Variants in WDPCP observed in about 807,000 individuals in gnomAD.
The protein encoded by WDPCP is WD repeat-containing and planar cell polarity effector protein fritz homolog.
WDPCP carries 71 observed loss-of-function variants against 93.1 expected under a neutral mutation model. That is an observed-to-expected ratio of 0.76 (90% CI 0.63 to 0.93). The LOEUF is 0.93. WDPCP is among the 40% of genes least tolerant of loss of function. The pLI, the probability that WDPCP is intolerant of heterozygous loss-of-function variation, is 0.00. For missense variants in WDPCP, 844 were observed against 887.4 expected, an observed-to-expected ratio of 0.95 and a Z score of 0.62; for synonymous variants, 315 against 315.0, an observed-to-expected ratio of 1.00 and a Z score of 0.00.
intron 12 of WDPCP, among the ~76,000 whole-genome samples, chr2:63,335,953 C>T (rs1688335812): frequency 6.6e-6 from 1 of 152,160 alleles, no homozygotes; most frequent in Non-Finnish European, 1.5e-5. Flanking sequence ...GCTACACTCC[C>T]ACCAGCGCCA....
At chr2:63,172,928 A>G (rs567735834) in intron 15 of WDPCP, among the ~76,000 whole-genome samples, 3 of 152,172 alleles carry the variant, frequency 2.0e-5, no homozygotes, top group African/African-American at 7.2e-5. Flanking sequence ...AAAATACTGG[A>G]CAAGAGAAAA....
intron 14 of WDPCP, chr2:63,233,266 AT>A (rs1312693601): frequency 5.3e-6 from 1 of 187,836 alleles, no homozygotes; most frequent in African/African-American, 2.4e-5. Context: ...ATATGGAAAA[AT>A]TCAATTTTGT....
intron 3 of WDPCP, chr2:63,594,613 A>C (rs1417527398): frequency 6.9e-7 from 1 of 1,449,306 alleles, no homozygotes; most frequent in East Asian, 2.3e-5. Flanking sequence ...ATAAATCTTA[A>C]GTTATTAGAG....
intron 17 of WDPCP, among the ~76,000 whole-genome samples, chr2:63,142,938 A>C (rs901912663): frequency 6.6e-6 from 1 of 151,828 alleles, no homozygotes; most frequent in Admixed American, 6.6e-5. Context: ...ACACACACAC[A>C]CACACACACA....
chr2:63,249,224 G>A (rs760481878), intron 14 of WDPCP, among the ~76,000 whole-genome samples: 5 of 152,146 alleles, frequency 3.3e-5, no homozygotes, highest in Non-Finnish European at 7.3e-5. Context: ...ATTGGCCTGA[G>A]GTAAAAGCTT....
intron 2 of WDPCP, among the ~76,000 whole-genome samples, chr2:63,694,055 A>G (rs1348912077): frequency 1.3e-5 from 2 of 152,222 alleles, no homozygotes; most frequent in African/African-American, 4.8e-5. Context: ...GCACATATTA[A>G]ACCTTTATCA....
At chr2:63,213,056 C>G (rs1273134053) in intron 14 of WDPCP, among the ~76,000 whole-genome samples, 1 of 152,148 alleles carries the variant, frequency 6.6e-6, no homozygotes, top group Non-Finnish European at 1.5e-5. Flanking sequence ...CAACATTAGA[C>G]AGATCCATGA....
intron 1 of WDPCP, among the ~76,000 whole-genome samples, chr2:63,550,192 AACACACACACAC>A (rs56155473): frequency 7.0e-4 from 31 of 44,354 alleles, no homozygotes; most frequent in East Asian, 4.8e-3. Context: ...CATCTTAAGA[AACACACACACAC>A]ACACACACAC....
chr2:63,582,374 A>T (rs1708551305), intron 1 of WDPCP, among the ~76,000 whole-genome samples: 1 of 152,202 alleles, frequency 6.6e-6, no homozygotes, highest in African/African-American at 2.4e-5. Flanking sequence ...AAACCTAGAA[A>T]GAAAAGATAA....
intron 15 of WDPCP, among the ~76,000 whole-genome samples, chr2:63,171,316 C>A (rs1161337580): frequency 1.3e-5 from 2 of 152,168 alleles, no homozygotes. Context: ...TAATAAGGAA[C>A]TTGTATTCAG....
chr2:63,358,413 C>T (rs144056330), intron 12 of WDPCP, among the ~76,000 whole-genome samples: 1 of 152,074 alleles, frequency 6.6e-6, no homozygotes, highest in African/African-American at 2.4e-5. Context: ...TCCAGAAATA[C>T]AGGAGATTCA....
intron 2 of WDPCP, among the ~76,000 whole-genome samples, chr2:63,786,731 T>G (rs185275693): frequency 3.9e-5 from 6 of 152,212 alleles, no homozygotes; most frequent in Non-Finnish European, 4.4e-5. Flanking sequence ...AGAAACAGAC[T>G]GCAAAAAATC....
intron 1 of WDPCP, among the ~76,000 whole-genome samples, chr2:63,817,112 AT>A (rs201959701): frequency 0.075 from 10,850 of 143,984 alleles, 411 homozygotes; most frequent in Middle Eastern, 0.15. Context: ...GAGCTGCTAC[AT>A]TTTTTTTTTT....
intron 1 of WDPCP, among the ~76,000 whole-genome samples, chr2:63,820,456 C>T (rs1378513350): frequency 1.3e-5 from 2 of 152,108 alleles, no homozygotes; most frequent in African/African-American, 4.8e-5. Context: ...CAAATGCTAG[C>T]AGCTGGCTGG....
chr2:63,761,305 C>A (rs966571373), intron 2 of WDPCP, among the ~76,000 whole-genome samples: 1 of 152,044 alleles, frequency 6.6e-6, no homozygotes, highest in Admixed American at 6.5e-5. Context: ...AGGTCCTTGC[C>A]GGATGCCAGT....
chr2:63,652,274 T>C (rs1357662852), intron 2 of WDPCP, among the ~76,000 whole-genome samples: 3 of 152,226 alleles, frequency 2.0e-5, no homozygotes, highest in African/African-American at 7.2e-5. Context: ...GGCTTGTGTA[T>C]GGCTTCCAGC....
intron 1 of WDPCP, chr2:63,571,757 A>G (rs1198662611): frequency 2.5e-6 from 1 of 393,208 alleles, no homozygotes; most frequent in African/African-American, 2.1e-5. Context: ...GATGAACTAC[A>G]ATGCTTCAAC....
intron 2 of WDPCP, among the ~76,000 whole-genome samples, chr2:63,707,542 A>G (rs920000261): frequency 3.3e-5 from 5 of 151,936 alleles, no homozygotes; most frequent in African/African-American, 1.2e-4. Flanking sequence ...TTTTTTTCCA[A>G]AGTTTTTAAC....
intron 13 of WDPCP, among the ~76,000 whole-genome samples, chr2:63,295,926 C>T (rs182977136): frequency 1.9e-4 from 28 of 148,724 alleles, no homozygotes; most frequent in African/African-American, 6.7e-4. Context: ...GGATTCCTCC[C>T]TAATTCATTC....
Sources: allele counts gnomAD v4.1 joint callset (sites outside exome capture counted in the v4.1 genomes callset), GRCh38; gene constraint gnomAD v4.1.1; transcripts MANE v1.5; gene names NCBI Gene and HGNC (gene_info 2026-07-23, HGNC 2026-07-21).